AFF2: variants seen among roughly 807,000 people sequenced by gnomAD.
The protein encoded by AFF2 is ALF transcription elongation factor 2.
AFF2 carries 14 observed loss-of-function variants against 76.9 expected under a neutral mutation model. The observed-to-expected ratio is 0.18, with a 90% CI of 0.12 to 0.28. The LOEUF (loss-of-function observed/expected upper bound fraction) is 0.28. Ranked by LOEUF, AFF2 falls within the 10% of genes least tolerant of loss-of-function variation. The pLI, the probability that AFF2 is intolerant of heterozygous loss-of-function variation, is 1.00. For missense variants in AFF2, 868 were observed against 1,001.1 expected, an observed-to-expected ratio of 0.87 and a Z score of 1.79; for synonymous variants, 398 against 366.7, an observed-to-expected ratio of 1.09 and a Z score of -0.98.
Position 148,504,424 on chromosome X carries a change from A to C in AFF2, c.47+3280A>C, listed in dbSNP as rs111244377. On this transcript the variant is annotated intron_variant, in intron 1 of 20. Coordinates refer to ENST00000370460, the MANE Select transcript of AFF2 (RefSeq NM_002025.4). ...AAAAGCCTAGTTAAAATCGTAGTTA[A>C]GTGACTGTGACAGTGGCTGGCTTCT... Among the ~76,000 whole-genome samples the C allele has an allele frequency of 5.6e-3, 634 of 112,771 alleles. 5 individuals carry two copies. Among genetic ancestry groups the C allele is most frequent in the African/African-American group, 0.019 (606 of 31,108 alleles).
At chrX:148,703,519 A>G (rs2054827791) in intron 3 of AFF2, among the ~76,000 whole-genome samples, 1 of 112,225 alleles carries the variant, frequency 8.9e-6, no homozygotes, top group African/African-American at 3.2e-5. Flanking sequence ...ATATTAAAAC[A>G]GTAGGTTTAT....
chrX:148,769,922 C>T (rs1011308584), intron 3 of AFF2, among the ~76,000 whole-genome samples: 1 of 111,391 alleles, frequency 9.0e-6, no homozygotes, highest in African/African-American at 3.3e-5. Context: ...CTGCTGGGGG[C>T]AGAGCTTTCC....
At chrX:148,783,875 C>T (rs2069777694) in intron 3 of AFF2, among the ~76,000 whole-genome samples, 1 of 111,507 alleles carries the variant, frequency 9.0e-6, no homozygotes, top group Admixed American at 9.5e-5. Flanking sequence ...TACAGGTGAA[C>T]CAAGCATCAG....
intron 7 of AFF2, among the ~76,000 whole-genome samples, chrX:148,858,368 A>G (rs782303304): frequency 7.2e-5 from 8 of 111,834 alleles, no homozygotes; most frequent in Non-Finnish European, 1.3e-4. Context: ...AACCTCTCAC[A>G]GAAATTCTAG....
intron 10 of AFF2, among the ~76,000 whole-genome samples, chrX:148,954,848 G>C (rs1368457023): frequency 8.9e-6 from 1 of 111,816 alleles, no homozygotes; most frequent in Non-Finnish European, 1.9e-5. Context: ...CTATTGGCTG[G>C]TACCATAAGC....
chrX:148,780,412 A>G (rs1423660357), intron 3 of AFF2, among the ~76,000 whole-genome samples: 2 of 111,719 alleles, frequency 1.8e-5, no homozygotes, highest in African/African-American at 3.3e-5. Context: ...GTCTTTTCAC[A>G]TAGTTCCATA....
intron 1 of AFF2, among the ~76,000 whole-genome samples, chrX:148,618,176 A>G (rs2053832224): frequency 8.9e-6 from 1 of 111,847 alleles, no homozygotes; most frequent in Admixed American, 9.5e-5. Flanking sequence ...TCATTAAAAA[A>G]AATCTTATTT....
At chrX:148,962,586 T>C in intron 12 of AFF2, 129 bp from the exon 13 acceptor site, 1 of 489,081 alleles carries the variant, frequency 2.0e-6, no homozygotes, top group Non-Finnish European at 3.4e-6. Flanking sequence ...TTTTTAGATA[T>C]GCTCTTCACC....
chrX:148,856,355 G>A (rs1230215555), intron 7 of AFF2, among the ~76,000 whole-genome samples: 1 of 112,074 alleles, frequency 8.9e-6, no homozygotes, highest in Non-Finnish European at 1.9e-5. Context: ...GTGAGATGTA[G>A]GCACTACCGT....
intron 9 of AFF2, among the ~76,000 whole-genome samples, chrX:148,914,718 T>C (rs1397546462): frequency 8.9e-6 from 1 of 112,411 alleles, no homozygotes; most frequent in Admixed American, 9.4e-5. Context: ...AAAATGTTTC[T>C]TTCATACAGT....
rs953505326 is a variant in AFF2, at chrX:148,996,315, G to A, written c.*4983G>A. 7 of 113,031 alleles carry A rather than the reference G, an allele frequency of 6.2e-5. No homozygotes were observed. Among genetic ancestry groups the A allele is most frequent in the Non-Finnish European group, 1.3e-4 (7 of 53,405 alleles). 9.3% of individuals were successfully genotyped at this position (113,031 alleles called of 1,213,427 possible). On this transcript the variant is annotated 3_prime_UTR_variant, in exon 21 of 21. Transcript: ENST00000370460. Reference sequence around the variant, plus strand: ...GCAACCAGTGGTGTGCTGGTAAAATGTTTAACAACCAGCTCGCTGAGAATA... The same window carrying A: ...GCAACCAGTGGTGTGCTGGTAAAATATTTAACAACCAGCTCGCTGAGAATA...
rs782753979 is a variant in AFF2 at position 148,905,361 on chromosome X, G to A, written c.1397+1103G>A. On this transcript the variant is annotated intron_variant, in intron 9 of 20. Coordinates refer to ENST00000370460, the MANE Select transcript of AFF2 (RefSeq NM_002025.4). ...TAGTCTGGAGATATATTATGTTGTA[G>A]TCTTATGGAAGTATTTGTAGTAGCT... is the stretch of plus-strand genomic sequence containing the variant. Among the ~76,000 whole-genome samples the A allele has an allele frequency of 2.7e-5, 3 of 112,074 alleles. No individual in the cohort carries two copies. The East Asian group carries it at 8.4e-4, about 31-fold the overall frequency.
chrX:148,648,688 C>A (rs2054171977), intron 1 of AFF2, among the ~76,000 whole-genome samples: 1 of 110,386 alleles, frequency 9.1e-6, no homozygotes. Context: ...TTCTTTCTGA[C>A]CTTTTCCAGT....
At chrX:148,528,749 A>G (rs2052693634) in intron 1 of AFF2, among the ~76,000 whole-genome samples, 1 of 111,889 alleles carries the variant, frequency 8.9e-6, no homozygotes, top group Non-Finnish European at 1.9e-5. Context: ...ATCCGTTCTC[A>G]ACTCACTTAA....
intron 16 of AFF2, among the ~76,000 whole-genome samples, chrX:148,976,520 T>C (rs1379874794): frequency 8.9e-6 from 1 of 112,504 alleles, no homozygotes; most frequent in African/African-American, 3.2e-5. Context: ...CTAGGTCTTC[T>C]GGTCCACTTA....
chrX:148,872,751 C>T (rs782269152), intron 7 of AFF2, among the ~76,000 whole-genome samples: 6 of 111,345 alleles, frequency 5.4e-5, no homozygotes, highest in Non-Finnish European at 1.1e-4. Flanking sequence ...GTTGGGTTCT[C>T]GTAAAAACCC....
At position 148,960,474 on chromosome X, in the gene AFF2, G is replaced by C. The variant is rs1206679631; in HGVS notation, c.2690+2016G>C. On this transcript the variant is annotated intron_variant, in intron 12 of 20. Transcript: ENST00000370460. ...GTGGGAAAGCAGTGTTTCCCTTGTA[G>C]CCTTTATCGTTCAGAAAGAGCCTCA... is the stretch of plus-strand genomic sequence containing the variant. 6.2e-5 allele frequency among the ~76,000 whole-genome samples: 7 copies of C among 112,123 alleles called. No individual in the cohort carries two copies. In the East Asian group the frequency reaches 1.7e-3, roughly 27 times the overall value.
chrX:148,709,306 T>G (rs2054929266), intron 3 of AFF2, among the ~76,000 whole-genome samples: 1 of 111,597 alleles, frequency 9.0e-6, no homozygotes, highest in Non-Finnish European at 1.9e-5. Context: ...ACTTTTAACT[T>G]GAATGGGAAA....
intron 3 of AFF2, among the ~76,000 whole-genome samples, chrX:148,772,166 G>T (rs181225741): frequency 8.0e-5 from 9 of 112,214 alleles, no homozygotes; most frequent in Non-Finnish European, 1.7e-4. Context: ...CAAGGTAATT[G>T]ACTCTTGCTT....
Sources: allele counts gnomAD v4.1 joint callset (sites outside exome capture counted in the v4.1 genomes callset), GRCh38; gene constraint gnomAD v4.1.1; transcripts MANE v1.5; gene names NCBI Gene and HGNC (gene_info 2026-07-23, HGNC 2026-07-21).